Variants in ZNF516 observed in about 807,000 individuals in gnomAD.
The protein encoded by ZNF516 is zinc finger protein 516.
In ZNF516, 19 loss-of-function variants were observed where a neutral mutation model predicts 79.7. The observed-to-expected ratio is 0.24, with a 90% CI of 0.17 to 0.35. The LOEUF (loss-of-function observed/expected upper bound fraction) is 0.35, where lower values mean the gene tolerates loss of function less well. Ranked by LOEUF, ZNF516 falls within the 10% of genes least tolerant of loss-of-function variation. ZNF516 has a pLI of 1.00. For missense variants in ZNF516, 1,678 were observed against 1,679.5 expected (o/e 1.00, Z 0.02); for synonymous variants, 877 against 739.5 (o/e 1.19, Z -3.02).
chr18:76,464,170 A>G (rs1486644687), intron 1 of ZNF516, among the ~76,000 whole-genome samples: 1 of 150,012 alleles, frequency 6.7e-6, no homozygotes, highest in African/African-American at 2.5e-5. Flanking sequence ...CTAAAAATAC[A>G]AAAAAAAATT....
At chr18:76,395,675 C>A (rs1411300136) in intron 3 of ZNF516, among the ~76,000 whole-genome samples, 1 of 151,846 alleles carries the variant, frequency 6.6e-6, no homozygotes, top group Non-Finnish European at 1.5e-5. Flanking sequence ...TCAGTGACCA[C>A]GGACAGGCTG....
At chr18:76,466,173 C>T (rs928581297) in intron 1 of ZNF516, among the ~76,000 whole-genome samples, 17 of 152,074 alleles carry the variant, frequency 1.1e-4, no homozygotes, top group Admixed American at 8.5e-4. Flanking sequence ...ATTCAGGCTC[C>T]GGGAGAGATT....
chr18:76,400,252 C>A (rs1279409222), intron 3 of ZNF516, among the ~76,000 whole-genome samples: 3 of 152,174 alleles, frequency 2.0e-5, no homozygotes, highest in Admixed American at 1.3e-4. Context: ...GAGATGAACA[C>A]AGGAGCAGGC....
chr18:76,490,662 C>G, intron 1 of ZNF516: 1 of 568,332 alleles, frequency 1.8e-6, no homozygotes, highest in Non-Finnish European at 2.2e-6. Context: ...GAACGTACAT[C>G]ACTCAGCTTT....
intron 3 of ZNF516, among the ~76,000 whole-genome samples, chr18:76,427,913 CT>C (rs1162373270): frequency 4.6e-5 from 7 of 152,238 alleles, no homozygotes; most frequent in South Asian, 2.1e-4. Context: ...AAATATACCA[CT>C]TTTTTTGTTT....
chr18:76,412,145 C>T (rs573960501), intron 3 of ZNF516, among the ~76,000 whole-genome samples: 1 of 152,298 alleles, frequency 6.6e-6, no homozygotes, highest in Admixed American at 6.5e-5. Context: ...ATGTCAAAAA[C>T]TATTTTCAGA....
rs555313891 is a variant in ZNF516, at chr18:76,491,052, G to A, written c.-272+4092C>T. On this transcript the variant is annotated intron_variant, in intron 1 of 6. Coordinates refer to ENST00000443185, the MANE Select transcript of ZNF516 (RefSeq NM_014643.4). The stretch of plus-strand genomic sequence containing the variant: ...ACCCCAAATCCGCTCGCGGGCGCAG[G>A]ACCGGTTCAGGTGTGAACACTTATG... 2.8e-4 allele frequency: 275 copies of A among 985,326 alleles called. 1 individual carries two copies. In the East Asian group the frequency reaches 5.2e-3, roughly 19 times the overall value. 61.0% of individuals were successfully genotyped at this position (985,326 alleles called of 1,614,324 possible). A position where few individuals can be genotyped will look rare whatever the true frequency, so the allele number is the denominator to read the frequency against.
intron 2 of ZNF516, among the ~76,000 whole-genome samples, chr18:76,446,130 C>T (rs1398490378): frequency 2.6e-5 from 4 of 151,984 alleles, no homozygotes; most frequent in Non-Finnish European, 5.9e-5. Context: ...TCCTTCACGC[C>T]CTCAACTCGT....
chr18:76,464,232 C>T (rs1288720202), intron 1 of ZNF516, among the ~76,000 whole-genome samples: 1 of 152,020 alleles, frequency 6.6e-6, no homozygotes, highest in African/African-American at 2.4e-5. Context: ...AAACGTGGCA[C>T]GTGGTGGCGT....
At chr18:76,417,463 T>C (rs1042095493) in intron 3 of ZNF516, among the ~76,000 whole-genome samples, 2 of 152,204 alleles carry the variant, frequency 1.3e-5, no homozygotes, top group Non-Finnish European at 2.9e-5. Context: ...TTACAAGTAA[T>C]TTACCAATTT....
chr18:76,491,327 C>T (rs993408381), intron 1 of ZNF516, among the ~76,000 whole-genome samples: 1 of 128,158 alleles, frequency 7.8e-6, no homozygotes, highest in South Asian at 2.6e-4. Context: ...CTCGCTCCCC[C>T]CAACCCCGCG....
chr18:76,404,870 T>C (rs889049944), intron 3 of ZNF516, among the ~76,000 whole-genome samples: 2 of 152,212 alleles, frequency 1.3e-5, no homozygotes, highest in African/African-American at 2.4e-5. Flanking sequence ...CATCTGTCCA[T>C]GTATGGTGAG....
intron 3 of ZNF516, among the ~76,000 whole-genome samples, chr18:76,423,046 C>T (rs193287495): frequency 4.6e-5 from 7 of 152,236 alleles, no homozygotes; most frequent in Non-Finnish European, 7.3e-5. Flanking sequence ...CTGTGCACAC[C>T]GCAGGACTCT....
At chr18:76,391,814 T>C (rs1249465941) in intron 3 of ZNF516, among the ~76,000 whole-genome samples, 2 of 152,238 alleles carry the variant, frequency 1.3e-5, no homozygotes, top group Non-Finnish European at 2.9e-5. Context: ...AGCCTCATTG[T>C]GTGCTTTGGG....
chr18:76,367,312 C>T (rs1012271756), intron 6 of ZNF516, among the ~76,000 whole-genome samples: 6 of 152,328 alleles, frequency 3.9e-5, no homozygotes, highest in South Asian at 2.1e-4. Context: ...TCAAGCTAAG[C>T]GCCTCCAAAG....
chr18:76,405,800 G>A (rs1165133064), intron 3 of ZNF516, among the ~76,000 whole-genome samples: 2 of 152,020 alleles, frequency 1.3e-5, no homozygotes, highest in African/African-American at 4.8e-5. Flanking sequence ...TCAGCCTGAT[G>A]ACGGCTGCCC....
rs997755707 is a variant in ZNF516 at position 76,467,508 on chromosome 18, C to T, written c.-271-4367G>A. On this transcript the variant is annotated intron_variant, in intron 1 of 6. Transcript: ENST00000443185. The surrounding 1 kb of genome is among the most constrained non-coding windows in gnomAD (Gnocchi z 4.2). ...CTCGGGGGCAGTGCTGGAATTACAG[C>T]ATCCACAGGTGCTGGGCTTTCCTGG... Among the ~76,000 whole-genome samples the T allele has an allele frequency of 6.6e-6, 1 of 152,178 alleles. No individual in the cohort carries two copies. Among genetic ancestry groups the T allele is most frequent in the Non-Finnish European group, 1.5e-5 (1 of 68,030 alleles).
At position 76,379,497 on chromosome 18, in the gene ZNF516, C is replaced by T. The variant is rs894163410; in HGVS notation, c.2617G>A (p.Gly873Ser). The T allele has an allele frequency of 1.2e-6, 2 of 1,613,618 alleles. No individual in the cohort carries two copies. Among genetic ancestry groups the T allele is most frequent in the African/African-American group, 2.7e-5 (2 of 74,948 alleles). The change falls in exon 4 of 7, where the codon GGT becomes AGT. Residue 873 changes from glycine (G) to serine (S), a missense_variant. Coordinates refer to ENST00000443185, the MANE Select transcript of ZNF516 (RefSeq NM_014643.4). ...MPKNKESHSGGPCALWAPGPD... is the reference protein window; with the variant it reads ...MPKNKESHSGSPCALWAPGPD... ...CCGGGCGCCCACAGAGCGCAGGGAC[C>T]TCCGGAATGGCTCTCCTTATTCTTA...
chr18:76,445,011 C>T (rs76811087), intron 2 of ZNF516, among the ~76,000 whole-genome samples: 1,622 of 152,318 alleles, frequency 0.011, 14 homozygotes, highest in South Asian at 0.031. Context: ...CTCCTTCCTC[C>T]AGGAACGCAC....
Sources: gnomAD v4.1 joint callset for allele counts (sites outside exome capture counted in the v4.1 genomes callset) on GRCh38, gnomAD v4.1.1 for gene constraint, Gnocchi (gnomAD v3.1) non-coding constraint, MANE v1.5 for transcripts, NCBI Gene and HGNC (gene_info 2026-07-23, HGNC 2026-07-21) for gene names.